The following GSK3B variants were observed in gnomAD, a reference collection of about 807,000 sequenced individuals.
GSK3B encodes the protein glycogen synthase kinase 3 beta.
A neutral mutation model predicts 56.4 loss-of-function variants in GSK3B; 15 were observed. The ratio of observed to expected loss-of-function variants is 0.27; its 90% CI spans 0.18 to 0.41. The LOEUF is 0.41. Ranked by LOEUF, GSK3B falls within the 10% of genes least tolerant of loss-of-function variation. The pLI is 1.00. For missense variants in GSK3B, 300 were observed against 513.4 expected (o/e 0.58, Z 4.02); for synonymous variants, 181 against 188.9 (o/e 0.96, Z 0.34).
At chr3:119,835,881 A>G (rs576869076) in intron 10 of GSK3B, among the ~76,000 whole-genome samples, 1 of 152,288 alleles carries the variant, frequency 6.6e-6, no homozygotes, top group South Asian at 2.1e-4. Context: ...GTACCTGGGG[A>G]AAGGATGAGG....
At chr3:120,050,829 T>A (rs1040441796) in intron 1 of GSK3B, among the ~76,000 whole-genome samples, 25 of 152,216 alleles carry the variant, frequency 1.6e-4, no homozygotes, top group African/African-American at 6.0e-4. Context: ...GTAGAATTAA[T>A]ATCTAGTTTT....
intron 1 of GSK3B, among the ~76,000 whole-genome samples, chr3:120,068,940 C>T (rs928466465): frequency 1.3e-5 from 2 of 151,410 alleles, no homozygotes; most frequent in African/African-American, 4.9e-5. Context: ...TACCAGGTTC[C>T]CTAAAAAGTT....
At chr3:119,929,901 C>CAAAAAA (rs202140622) in intron 3 of GSK3B, among the ~76,000 whole-genome samples, 1 of 139,608 alleles carries the variant, frequency 7.2e-6, no homozygotes, top group Non-Finnish European at 1.6e-5. Context: ...AACTCTGCCT[C>CAAAAAA]AAAAAAAAAA....
At chr3:119,913,003 C>T (rs1462153565) in intron 5 of GSK3B, among the ~76,000 whole-genome samples, 193 bp from the exon 6 acceptor site, 1 of 151,942 alleles carries the variant, frequency 6.6e-6, no homozygotes, top group Non-Finnish European at 1.5e-5. Flanking sequence ...CCTTGCTCTG[C>T]AAAAAAGAAT....
chr3:120,039,840 C>T (rs988271762), intron 1 of GSK3B, among the ~76,000 whole-genome samples: 12 of 152,194 alleles, frequency 7.9e-5, no homozygotes, highest in African/African-American at 2.9e-4. Flanking sequence ...AATTGCCTTG[C>T]TGAGAAAACT....
At chr3:119,990,695 G>A (rs1251373118) in intron 2 of GSK3B, among the ~76,000 whole-genome samples, 1 of 152,198 alleles carries the variant, frequency 6.6e-6, no homozygotes, top group Non-Finnish European at 1.5e-5. Context: ...TTGGGAGACT[G>A]AGGTGGGTGG....
chr3:120,092,690 A>G (rs1193415686), intron 1 of GSK3B, among the ~76,000 whole-genome samples: 2 of 152,254 alleles, frequency 1.3e-5, no homozygotes, highest in Non-Finnish European at 2.9e-5. Flanking sequence ...CCAATTGAAC[A>G]CAAATGCATA....
chr3:119,920,466 C>A (rs865871193), intron 4 of GSK3B, among the ~76,000 whole-genome samples: 9 of 152,120 alleles, frequency 5.9e-5, no homozygotes, highest in South Asian at 2.1e-4. Flanking sequence ...GTCTTGAACT[C>A]CTGACGACCT....
chr3:119,861,612 A>T (rs1300107878), intron 9 of GSK3B, among the ~76,000 whole-genome samples: 1 of 152,220 alleles, frequency 6.6e-6, no homozygotes, highest in East Asian at 1.9e-4. Flanking sequence ...TCTTTATTGC[A>T]TAGAAACACT....
At chr3:120,085,264 A>G (rs930802055) in intron 1 of GSK3B, among the ~76,000 whole-genome samples, 8 of 152,194 alleles carry the variant, frequency 5.3e-5, no homozygotes, top group Admixed American at 1.3e-4. Context: ...TTCTATATAC[A>G]TGTAATTATA....
chr3:119,953,657 C>G (rs754977307), intron 2 of GSK3B, among the ~76,000 whole-genome samples: 1 of 152,058 alleles, frequency 6.6e-6, no homozygotes, highest in African/African-American at 2.4e-5. Context: ...TCTATATTAT[C>G]GCTAGATGCT....
chr3:119,895,014 GATTAC>G (rs1559826573), intron 7 of GSK3B, among the ~76,000 whole-genome samples: 1 of 152,004 alleles, frequency 6.6e-6, no homozygotes, highest in African/African-American at 2.4e-5. Flanking sequence ...TTAACATACC[GATTAC>G]ATTAAATACT....
At chr3:119,991,802 T>C (rs1452074567) in intron 2 of GSK3B, among the ~76,000 whole-genome samples, 2 of 152,016 alleles carry the variant, frequency 1.3e-5, no homozygotes, top group Admixed American at 6.6e-5. Flanking sequence ...GGAAGGGTGA[T>C]ACAAGGAAAA....
At chr3:119,850,609 A>AC (rs1559807430) in intron 9 of GSK3B, among the ~76,000 whole-genome samples, 1 of 152,136 alleles carries the variant, frequency 6.6e-6, no homozygotes, top group Non-Finnish European at 1.5e-5. Context: ...ATTACTACCT[A>AC]CTTCTAATCA....
chr3:119,836,535 TA>T (rs1479982835), intron 10 of GSK3B, among the ~76,000 whole-genome samples: 78 of 152,294 alleles, frequency 5.1e-4, no homozygotes, highest in African/African-American at 1.7e-3. Context: ...AGCTTACAGA[TA>T]TTTAGGCACT....
intron 2 of GSK3B, among the ~76,000 whole-genome samples, chr3:119,985,747 C>T (rs144518957): frequency 0.021 from 3,215 of 152,090 alleles, 92 homozygotes; most frequent in South Asian, 0.07. Flanking sequence ...ATGGTGAAAA[C>T]GGCCATACTG....
chr3:119,888,198 A>G (rs1032585548), intron 7 of GSK3B, among the ~76,000 whole-genome samples: 1 of 152,128 alleles, frequency 6.6e-6, no homozygotes, highest in African/African-American at 2.4e-5. Context: ...CCCCCTCATT[A>G]AAAAATTCCT....
chr3:119,919,679 T>C (rs1260200698), intron 4 of GSK3B, among the ~76,000 whole-genome samples: 2 of 152,144 alleles, frequency 1.3e-5, no homozygotes, highest in Non-Finnish European at 2.9e-5. Context: ...CTAGCTCAAC[T>C]ATTTGCTGGC....
At chr3:119,839,694 A>G (rs2055742630) in intron 10 of GSK3B, among the ~76,000 whole-genome samples, 1 of 152,210 alleles carries the variant, frequency 6.6e-6, no homozygotes, top group African/African-American at 2.4e-5. Flanking sequence ...GGCTACTGAA[A>G]ACAGGTTAAG....
Sources: gnomAD v4.1 joint callset for allele counts (sites outside exome capture counted in the v4.1 genomes callset) on GRCh38, gnomAD v4.1.1 for gene constraint, MANE v1.5 for transcripts, NCBI Gene and HGNC (gene_info 2026-07-23, HGNC 2026-07-21) for gene names.